THSD7B: variants seen among roughly 807,000 people sequenced by gnomAD.
THSD7B encodes thrombospondin type-1 domain-containing protein 7B.
A neutral mutation model predicts 213.6 loss-of-function variants in THSD7B; 138 were observed. That is an observed-to-expected ratio of 0.65 (90% confidence interval 0.56 to 0.74). The LOEUF is 0.74. Among genes scored for constraint, THSD7B ranks in the 30% least tolerant of loss-of-function variants. The pLI, the probability that THSD7B is intolerant of heterozygous loss-of-function variation, is 0.00. For synonymous variants in THSD7B, 742 were observed against 687.0 expected (o/e 1.08, Z -1.25); for missense variants, 1,931 against 1,991.5 (o/e 0.97, Z 0.58).
At chr2:137,343,771 G>C (rs1313970634) in intron 12 of THSD7B, among the ~76,000 whole-genome samples, 1 of 151,800 alleles carries the variant, frequency 6.6e-6, no homozygotes, top group Non-Finnish European at 1.5e-5. Flanking sequence ...TGTAGGCTGA[G>C]AACATGCTAC....
chr2:137,567,626 CAG>C (rs1366859590), intron 16 of THSD7B, among the ~76,000 whole-genome samples: 3 of 151,940 alleles, frequency 2.0e-5, no homozygotes, highest in African/African-American at 7.3e-5. Context: ...GTGTAGAACA[CAG>C]AGTTTGGTGA....
chr2:137,208,060 T>G (rs1004626557), intron 7 of THSD7B, among the ~76,000 whole-genome samples: 1 of 152,080 alleles, frequency 6.6e-6, no homozygotes, highest in African/African-American at 2.4e-5. Context: ...TTTAATTCTG[T>G]AACCGGCTAC....
rs1036046744 is a variant in THSD7B, at chr2:136,882,137, C to T, written c.-35-7C>T. On this transcript the variant is annotated splice_polypyrimidine_tract_variant and splice_region_variant and intron_variant, in intron 1 of 27. Coordinates refer to ENST00000409968, the MANE Select transcript of THSD7B (RefSeq NM_001316349.2). ...AAACTTACCTGATTTTTCTTTTTCT[C>T]TTTTAGGAATAGGCAAGTCAAGAGG... The T allele has an allele frequency of 5.6e-6, 8 of 1,441,318 alleles. No individual in the cohort carries two copies. Among genetic ancestry groups the T allele is most frequent in the Admixed American group, 3.1e-5 (1 of 32,460 alleles). The allele number at this position is 1,441,318 out of a possible 1,614,324, so 89.3% of individuals were successfully genotyped here.
intron 2 of THSD7B, among the ~76,000 whole-genome samples, chr2:136,979,483 T>C (rs542167439): frequency 9.8e-5 from 15 of 152,286 alleles, no homozygotes; most frequent in African/African-American, 3.1e-4. Flanking sequence ...GGGGGTTTTG[T>C]TCATTTCTTT....
chr2:136,944,980 G>A (rs1306383683), intron 2 of THSD7B, among the ~76,000 whole-genome samples: 1 of 152,078 alleles, frequency 6.6e-6, no homozygotes, highest in Non-Finnish European at 1.5e-5. Context: ...TTTCTTTGTA[G>A]CATCGATGGT....
rs72977610 is a variant in THSD7B at position 137,316,294 on chromosome 2, G to C, written c.2500+40268G>C. On this transcript the variant is annotated intron_variant, in intron 12 of 27. Coordinates refer to ENST00000409968, the MANE Select transcript of THSD7B (RefSeq NM_001316349.2). ...TGAAGGTTAAATGACTGTTCTTAAC[G>C]GAATGCCACAGTCCTCATTTTGTGC... Among the ~76,000 whole-genome samples, 714 of 152,288 alleles carry C rather than the reference G, an allele frequency of 4.7e-3. 6 individuals are homozygous for C. Among genetic ancestry groups the C allele is most frequent in the African/African-American group, 0.017 (694 of 41,546 alleles).
intron 1 of THSD7B, among the ~76,000 whole-genome samples, chr2:136,868,353 G>A (rs1573678297): frequency 6.6e-6 from 1 of 152,108 alleles, no homozygotes; most frequent in South Asian, 2.1e-4. Context: ...CAAATCTCCT[G>A]AATCTAATGG....
At chr2:137,616,428 G>C (rs746133029) in intron 18 of THSD7B, 112 bp downstream of exon 18, 52 of 949,726 alleles carry the variant, frequency 5.5e-5, no homozygotes, top group Non-Finnish European at 7.8e-5. Flanking sequence ...ATGTGTGAGT[G>C]TATTGCATAA....
intron 5 of THSD7B, among the ~76,000 whole-genome samples, chr2:137,125,675 A>C (rs554341558): frequency 8.3e-4 from 127 of 152,322 alleles, no homozygotes; most frequent in African/African-American, 2.9e-3. Flanking sequence ...TGGCATCTAG[A>C]ATGGTGAACG....
intron 27 of THSD7B, among the ~76,000 whole-genome samples, chr2:137,673,018 G>T (rs1288506015): frequency 1.3e-5 from 2 of 152,180 alleles, no homozygotes; most frequent in Admixed American, 1.3e-4. Context: ...GTTCTGTAAT[G>T]CATTCTTATT....
intron 2 of THSD7B, among the ~76,000 whole-genome samples, chr2:136,958,433 T>G (rs1428561243): frequency 6.6e-6 from 1 of 152,236 alleles, no homozygotes. Context: ...AGATGTAGAC[T>G]AGTTTAATCC....
intron 5 of THSD7B, among the ~76,000 whole-genome samples, chr2:137,124,341 A>C (rs960583508): frequency 1.3e-5 from 2 of 152,226 alleles, no homozygotes; most frequent in Admixed American, 1.3e-4. Flanking sequence ...CAAGTAGGAT[A>C]TAGAAGAAGT....
chr2:137,594,706 T>C (rs922400026), intron 17 of THSD7B, among the ~76,000 whole-genome samples: 4 of 152,020 alleles, frequency 2.6e-5, no homozygotes, highest in Admixed American at 2.0e-4. Context: ...TGTCTTAGCA[T>C]TTCCATGTAA....
At chr2:136,783,860 A>G (rs1573636460) in intron 1 of THSD7B, among the ~76,000 whole-genome samples, 3 of 152,340 alleles carry the variant, frequency 2.0e-5, no homozygotes, top group Non-Finnish European at 4.4e-5. Context: ...AGTGGTGTCA[A>G]TGCTGCCTGT....
intron 2 of THSD7B, among the ~76,000 whole-genome samples, chr2:136,960,997 A>G (rs1404752992): frequency 6.1e-5 from 9 of 147,628 alleles, no homozygotes; most frequent in African/African-American, 2.0e-4. Context: ...GCTGAGGTAG[A>G]AGAATGGCGT....
rs6146927 is a variant in THSD7B at position 136,971,639 on chromosome 2, TACACAC to T, written c.140-84754_140-84749del. On this transcript the variant is annotated intron_variant, in intron 2 of 27. Coordinates refer to ENST00000409968, the MANE Select transcript of THSD7B (RefSeq NM_001316349.2). ...AAGTCACTGGTTTAACAACAACAAA[TACACAC>T]ACACACACACACACACACACACACA... 3.5e-3 allele frequency among the ~76,000 whole-genome samples: 472 copies of T among 135,352 alleles called. 3 individuals carry two copies. The highest frequency in any genetic ancestry group is 3.9e-3 in the Non-Finnish European group (248 of 63,686). The allele number at this position is 135,352 out of a possible 152,430, so 88.8% of individuals were successfully genotyped here.
intron 2 of THSD7B, among the ~76,000 whole-genome samples, chr2:136,962,308 C>T (rs1685232608): frequency 6.7e-6 from 1 of 149,598 alleles, no homozygotes; most frequent in Non-Finnish European, 1.5e-5. Flanking sequence ...ACCTTCAAAA[C>T]TGTAAGATAA....
chr2:137,135,849 TA>T (rs141584301), intron 5 of THSD7B, among the ~76,000 whole-genome samples: 10 of 149,034 alleles, frequency 6.7e-5, no homozygotes, highest in South Asian at 6.4e-4. Flanking sequence ...TATGCTACAC[TA>T]AAAAAAAAAC....
intron 12 of THSD7B, among the ~76,000 whole-genome samples, chr2:137,350,847 C>T (rs896546326): frequency 4.0e-5 from 6 of 151,832 alleles, no homozygotes; most frequent in South Asian, 2.1e-4. Context: ...AAAGGAAAGA[C>T]GAAACCAGGA....
Sources: gnomAD v4.1 joint callset for allele counts (sites outside exome capture counted in the v4.1 genomes callset) on GRCh38, gnomAD v4.1.1 for gene constraint, MANE v1.5 for transcripts, NCBI Gene and HGNC (gene_info 2026-07-23, HGNC 2026-07-21) for gene names.